PPFIBP2: variants seen among roughly 807,000 people sequenced by gnomAD.
PPFIBP2 encodes the protein liprin-beta-2.
In PPFIBP2, 118 loss-of-function variants were observed where a neutral mutation model predicts 118.3. The observed-to-expected ratio is 1.00, with a 90% CI of 0.86 to 1.16. PPFIBP2 has a LOEUF of 1.16. Among genes scored for constraint, PPFIBP2 ranks in the 50% most tolerant of loss-of-function variants. The pLI is 0.00. For synonymous variants in PPFIBP2, 414 were observed against 397.4 expected, an observed-to-expected ratio of 1.04 and a Z score of -0.50; for missense variants, 1,195 against 1,073.1, an observed-to-expected ratio of 1.11 and a Z score of -1.59.
intron 3 of PPFIBP2, among the ~76,000 whole-genome samples, chr11:7,569,750 G>T (rs7105330): frequency 7.2e-5 from 11 of 152,004 alleles, no homozygotes; most frequent in African/African-American, 2.7e-4. Flanking sequence ...CCAAGCTCAG[G>T]GTCAGTGCTC....
At chr11:7,617,502 C>T (rs576465042) in intron 6 of PPFIBP2, among the ~76,000 whole-genome samples, 50 of 152,074 alleles carry the variant, frequency 3.3e-4, no homozygotes, top group Non-Finnish European at 5.9e-4. Flanking sequence ...GCAGGTGAGG[C>T]CAACCCTCAA....
intron 1 of PPFIBP2, among the ~76,000 whole-genome samples, chr11:7,522,065 T>G (rs2134261755): frequency 6.6e-6 from 1 of 152,234 alleles, no homozygotes; most frequent in African/African-American, 2.4e-5. Context: ...CTGTTCAGGA[T>G]GATTGTGGCT....
intron 1 of PPFIBP2, chr11:7,538,250 T>C (rs79542539): frequency 0.037 from 5,664 of 152,374 alleles, 301 homozygotes; most frequent in African/African-American, 0.11. Context: ...TTTGGGGTGG[T>C]GTTTCTCTTA....
At chr11:7,581,442 G>A (rs1003660345) in intron 3 of PPFIBP2, among the ~76,000 whole-genome samples, 4 of 152,178 alleles carry the variant, frequency 2.6e-5, no homozygotes, top group Non-Finnish European at 4.4e-5. Context: ...AATCACTACA[G>A]GTCCCCCATG....
At chr11:7,577,353 T>TGTGTG in intron 3 of PPFIBP2, 1 of 256,968 alleles carries the variant, frequency 3.9e-6, no homozygotes, top group Non-Finnish European at 7.9e-6. Flanking sequence ...GTGTGTGTGT[T>TGTGTG]TGTTGGGGTG....
At chr11:7,654,077 C>A (rs183830308), downstream of PPFIBP2, among the ~76,000 whole-genome samples, 2 of 152,178 alleles carry the variant, frequency 1.3e-5, no homozygotes, top group South Asian at 2.1e-4. Context: ...TGGCATGAGC[C>A]CCCCCAGTGA....
the PPFIBP2 span, among the ~76,000 whole-genome samples, chr11:7,662,539 C>T: frequency 1.3e-5 from 2 of 151,282 alleles, no homozygotes; most frequent in African/African-American, 4.9e-5. Flanking sequence ...ATGGGCTTCC[C>T]TTTGAGGGTA....
intron 17 of PPFIBP2, among the ~76,000 whole-genome samples, chr11:7,645,530 T>G (rs1417038179): frequency 1.3e-5 from 2 of 152,360 alleles, no homozygotes. Flanking sequence ...GTATCTTCTC[T>G]GTCATCTCCA....
At position 7,520,877 on chromosome 11, in the gene PPFIBP2, G is replaced by A. The variant is rs114063305; in HGVS notation, c.-37+6756G>A. 4.8e-3 allele frequency among the ~76,000 whole-genome samples: 731 copies of A among 152,282 alleles called. 8 individuals are homozygous for A. The highest frequency in any genetic ancestry group is 0.017 in the African/African-American group (701 of 41,558). On this transcript the variant is annotated intron_variant, in intron 1 of 23. Coordinates refer to ENST00000299492, the MANE Select transcript of PPFIBP2 (RefSeq NM_003621.5). ...TCTTCATGGAATCTATGTAGTTCTA[G>A]GAAAGGTGGGCTTTATCCTTTATAC...
intron 6 of PPFIBP2, among the ~76,000 whole-genome samples, chr11:7,620,140 G>T (rs1179001400): frequency 6.6e-6 from 1 of 152,124 alleles, no homozygotes; most frequent in African/African-American, 2.4e-5. Flanking sequence ...ATGAGTAAGA[G>T]AAAATTGTTT....
chr11:7,528,270 C>G (rs1208662411), intron 1 of PPFIBP2, among the ~76,000 whole-genome samples: 1 of 152,138 alleles, frequency 6.6e-6, no homozygotes, highest in Non-Finnish European at 1.5e-5. Context: ...TATCTGAGTT[C>G]TAATACATAT....
At chr11:7,599,099 G>A (rs1284147415) in intron 5 of PPFIBP2, among the ~76,000 whole-genome samples, 1 of 151,042 alleles carries the variant, frequency 6.6e-6, no homozygotes, top group Non-Finnish European at 1.5e-5. Flanking sequence ...AAGGAATTGA[G>A]GCTTTTTTTT....
At chr11:7,518,362 C>T (rs553744627) in intron 1 of PPFIBP2, among the ~76,000 whole-genome samples, 4 of 152,178 alleles carry the variant, frequency 2.6e-5, no homozygotes, top group African/African-American at 9.6e-5. Context: ...GGGTTTTTGT[C>T]AGGACTTTGG....
intron 3 of PPFIBP2, chr11:7,577,324 T>TGC (rs1554958731): frequency 1.4e-4 from 37 of 266,816 alleles, no homozygotes; most frequent in African/African-American, 1.1e-3. Context: ...TATGTGCGTG[T>TGC]GTGTGTGTGT....
chr11:7,642,475 T>C (rs1453428328), intron 17 of PPFIBP2, 49 bp downstream of exon 17: 2 of 1,570,058 alleles, frequency 1.3e-6, no homozygotes, highest in Admixed American at 1.8e-5. Context: ...GAAAAAGAAG[T>C]ATCTCCCTTC....
At chr11:7,593,467 C>T (rs550374276) in intron 4 of PPFIBP2, among the ~76,000 whole-genome samples, 9 of 152,188 alleles carry the variant, frequency 5.9e-5, no homozygotes, top group Non-Finnish European at 8.8e-5. Context: ...CCCAAGCACC[C>T]GCTTCTATAC....
At chr11:7,649,853 T>G (rs1184924079) in intron 21 of PPFIBP2, among the ~76,000 whole-genome samples, 199 bp downstream of exon 21, 1 of 152,180 alleles carries the variant, frequency 6.6e-6, no homozygotes, top group Non-Finnish European at 1.5e-5. Flanking sequence ...CATAGACCTC[T>G]AAGCTCCCAC....
chr11:7,571,184 G>A (rs1295601993), intron 3 of PPFIBP2, among the ~76,000 whole-genome samples: 1 of 152,148 alleles, frequency 6.6e-6, no homozygotes, highest in Non-Finnish European at 1.5e-5. Context: ...AGTCAGTTCA[G>A]GTGCCCTCAG....
At chr11:7,652,025 A>G (rs1467048564) in intron 23 of PPFIBP2, among the ~76,000 whole-genome samples, 181 bp downstream of exon 23, 1 of 152,228 alleles carries the variant, frequency 6.6e-6, no homozygotes, top group African/African-American at 2.4e-5. Context: ...GTTCTCCACC[A>G]GTTTGGAGTC....
Sources: allele counts gnomAD v4.1 joint callset (sites outside exome capture counted in the v4.1 genomes callset), GRCh38; gene constraint gnomAD v4.1.1; transcripts MANE v1.5; gene names NCBI Gene and HGNC (gene_info 2026-07-23, HGNC 2026-07-21).